The following MCOLN2 variants were observed in gnomAD, a reference collection of about 807,000 sequenced individuals.
MCOLN2 encodes the protein mucolipin-2.
MCOLN2 carries 57 observed loss-of-function variants against 67.5 expected under a neutral mutation model. The observed-to-expected ratio is 0.84, with a 90% CI of 0.68 to 1.05. MCOLN2 has a LOEUF of 1.05. Among genes scored for constraint, MCOLN2 ranks in the 50% least tolerant of loss-of-function variants. The pLI is 0.00. For missense variants in MCOLN2, 620 were observed against 678.8 expected, an observed-to-expected ratio of 0.91 and a Z score of 0.96; for synonymous variants, 246 against 233.3, an observed-to-expected ratio of 1.05 and a Z score of -0.50.
intron 7 of MCOLN2, among the ~76,000 whole-genome samples, chr1:84,941,285 A>T (rs1467884490): frequency 6.6e-6 from 1 of 152,144 alleles, no homozygotes; most frequent in African/African-American, 2.4e-5. Flanking sequence ...TCACGAGGTC[A>T]GGAGATCAAG....
At chr1:84,947,313 C>G (rs1463905598) in intron 6 of MCOLN2, among the ~76,000 whole-genome samples, 181 bp from the exon 7 acceptor site, 1 of 151,910 alleles carries the variant, frequency 6.6e-6, no homozygotes, top group Non-Finnish European at 1.5e-5. Flanking sequence ...CCACCACACA[C>G]ACACACACAC....
chr1:84,932,853 C>T (rs1355995025), intron 11 of MCOLN2, among the ~76,000 whole-genome samples: 1 of 152,164 alleles, frequency 6.6e-6, no homozygotes, highest in Non-Finnish European at 1.5e-5. Flanking sequence ...TTTACCCTCC[C>T]CAGTCAAAGC....
chr1:84,987,957 G>A (rs1433967257), intron 1 of MCOLN2, among the ~76,000 whole-genome samples: 1 of 152,034 alleles, frequency 6.6e-6, no homozygotes, highest in Non-Finnish European at 1.5e-5. Flanking sequence ...TACAGACTGG[G>A]TACAGTGTAC....
intron 7 of MCOLN2, among the ~76,000 whole-genome samples, chr1:84,943,523 G>T (rs745426929): frequency 6.6e-6 from 1 of 152,112 alleles, no homozygotes; most frequent in South Asian, 2.1e-4. Flanking sequence ...TCAGAGAACA[G>T]ACTGCGGTCA....
chr1:84,980,616 T>A (rs1650209416), intron 1 of MCOLN2, among the ~76,000 whole-genome samples: 1 of 152,168 alleles, frequency 6.6e-6, no homozygotes, highest in African/African-American at 2.4e-5. Flanking sequence ...GGAAACTGGA[T>A]ATCCATATGC....
chr1:84,976,915 G>A (rs1249631759), intron 1 of MCOLN2, among the ~76,000 whole-genome samples: 1 of 152,076 alleles, frequency 6.6e-6, no homozygotes, highest in Non-Finnish European at 1.5e-5. Flanking sequence ...AAAACTCACT[G>A]GTATCAGAAA....
chr1:84,929,820 T>C (rs1334800038), intron 12 of MCOLN2, 141 bp from the exon 13 acceptor site: 3 of 684,894 alleles, frequency 4.4e-6, no homozygotes, highest in Non-Finnish European at 6.9e-6. Flanking sequence ...TTTACAATGA[T>C]GAATCAATCT....
rs554223625 is a variant in MCOLN2, at chr1:84,952,517, T to G, written c.579A>C (p.Leu193Phe). ...DNDVELDCVQ[L>F]DLQDLSKKPP... ...GCTTCTTGGAGAGGTCCTGAAGGTC[T>G]AATTGAACACAATCTAGGGCAATGA... The change falls in exon 5 of 14, where the codon TTA (leucine) becomes TTC (phenylalanine). Residue 193 changes from leucine (L) to phenylalanine (F), a missense_variant. Physicochemically the swap from Leu to Phe is conservative, Grantham distance 22 (BLOSUM62 0). Transcript: ENST00000370608. 1.1e-5 allele frequency: 17 copies of G among 1,609,122 alleles called. No individual in the cohort carries two copies. The South Asian group carries it at 1.9e-4, about 18-fold the overall frequency.
At chr1:84,976,775 A>T (rs1650012391) in intron 1 of MCOLN2, among the ~76,000 whole-genome samples, 2 of 152,092 alleles carry the variant, frequency 1.3e-5, no homozygotes, top group Admixed American at 1.3e-4. Flanking sequence ...CAAAAAAAAG[A>T]TTTTCCCAGA....
chr1:84,959,966 G>A (rs550290579), intron 2 of MCOLN2, among the ~76,000 whole-genome samples: 6 of 152,294 alleles, frequency 3.9e-5, no homozygotes, highest in African/African-American at 1.4e-4. Flanking sequence ...TTGGGAGGCC[G>A]AGGTGGGAGG....
At chr1:84,986,134 A>G (rs1388190238) in intron 1 of MCOLN2, among the ~76,000 whole-genome samples, 2 of 152,228 alleles carry the variant, frequency 1.3e-5, no homozygotes, top group East Asian at 1.9e-4. Flanking sequence ...CCAGAAATAA[A>G]GCCAAATACT....
At chr1:84,976,098 G>C (rs1649982536) in intron 1 of MCOLN2, among the ~76,000 whole-genome samples, 1 of 152,078 alleles carries the variant, frequency 6.6e-6, no homozygotes, top group Non-Finnish European at 1.5e-5. Flanking sequence ...GGAAGAAAAA[G>C]AGACAGGAGT....
Position 84,937,852 on chromosome 1 carries a change from G to C in MCOLN2, c.1238C>G (p.Ser413Ter). The change falls in exon 11 of 14, where the codon TCA becomes TGA. Residue 413 changes from serine to a stop codon, truncating the protein, a stop_gained. Coordinates refer to ENST00000370608, the MANE Select transcript of MCOLN2 (RefSeq NM_153259.4). LOFTEE classifies it high-confidence loss of function. ...YNVLILTMQA[S>*]LPKVLRFCAC... ...ACAAAACCGAAGAACTTTTGGCAGT[G>C]AGGCCTGCATTGTTAAAATCAGCAC... 6.2e-7 allele frequency: 1 copy of C among 1,614,198 alleles called. No homozygotes were observed. Among genetic ancestry groups the C allele is most frequent in the East Asian group, 2.2e-5 (1 of 44,876 alleles).
chr1:84,990,756 AAAT>A (rs761388466), intron 1 of MCOLN2, among the ~76,000 whole-genome samples: 47 of 151,578 alleles, frequency 3.1e-4, no homozygotes, highest in Admixed American at 5.9e-4. Context: ...CCATCTCTAG[AAAT>A]AATAATAATA....
intron 8 of MCOLN2, among the ~76,000 whole-genome samples, chr1:84,940,235 G>A (rs933243063): frequency 6.6e-6 from 1 of 152,148 alleles, no homozygotes; most frequent in South Asian, 2.1e-4. Flanking sequence ...CATTGACAAA[G>A]GTCAGGATTA....
intron 1 of MCOLN2, among the ~76,000 whole-genome samples, chr1:84,989,640 T>A (rs1459676886): frequency 6.6e-6 from 1 of 152,108 alleles, no homozygotes; most frequent in Admixed American, 6.5e-5. Context: ...ACATGCCTTT[T>A]TAAGTACAAA....
intron 10 of MCOLN2, 49 bp downstream of exon 10, chr1:84,937,932 A>G (rs778708468): frequency 6.2e-7 from 1 of 1,613,656 alleles, no homozygotes; most frequent in East Asian, 2.2e-5. Flanking sequence ...GAACCCAAAG[A>G]ATAAATGAGT....
At chr1:84,942,503 T>C (rs1391110498) in intron 7 of MCOLN2, among the ~76,000 whole-genome samples, 1 of 152,182 alleles carries the variant, frequency 6.6e-6, no homozygotes. Flanking sequence ...TGCAAGTTCA[T>C]ATACAAAGAG....
chr1:84,968,233 C>A (rs1353933106), intron 1 of MCOLN2, among the ~76,000 whole-genome samples: 1 of 152,094 alleles, frequency 6.6e-6, no homozygotes, highest in Non-Finnish European at 1.5e-5. Context: ...ATAAAGAATG[C>A]CCATAAACCA....
Sources: allele counts gnomAD v4.1 joint callset (sites outside exome capture counted in the v4.1 genomes callset), GRCh38; gene constraint gnomAD v4.1.1; transcripts MANE v1.5; gene names NCBI Gene and HGNC (gene_info 2026-07-23, HGNC 2026-07-21).